Variants in ATR observed in about 807,000 individuals in gnomAD.
ATR encodes the protein ATR checkpoint kinase.
A neutral mutation model predicts 305.3 loss-of-function variants in ATR; 142 were observed. The ratio of observed to expected loss-of-function variants is 0.47; its 90% CI spans 0.41 to 0.53. The LOEUF is 0.53. Among genes scored for constraint, ATR ranks in the 20% least tolerant of loss-of-function variants. The probability of loss-of-function intolerance (pLI) is 0.00; values close to 1 mark genes in which losing one functional copy is unlikely to be tolerated. For synonymous variants in ATR, 1,050 were observed against 1,068.1 expected, an observed-to-expected ratio of 0.98 and a Z score of 0.33; for missense variants, 2,135 against 3,133.1, an observed-to-expected ratio of 0.68 and a Z score of 7.60.
chr3:142,531,293 TGTACACAAC>T (rs2108415428), intron 21 of ATR, among the ~76,000 whole-genome samples: 1 of 152,240 alleles, frequency 6.6e-6, no homozygotes, highest in South Asian at 2.1e-4. Flanking sequence ...TTAGGGTACT[TGTACACAAC>T]GTGCAGGTTT....
At chr3:142,568,445 T>G (rs2035146088) in intron 1 of ATR, among the ~76,000 whole-genome samples, 1 of 152,236 alleles carries the variant, frequency 6.6e-6, no homozygotes, top group Admixed American at 6.5e-5. Context: ...ATGTGATTAG[T>G]ACAAATTGAA....
chr3:142,550,017 C>T, intron 14 of ATR, 115 bp downstream of exon 14: 3 of 1,370,842 alleles, frequency 2.2e-6, no homozygotes, highest in Non-Finnish European at 3.0e-6. Context: ...CTCAAATCCA[C>T]TTAAACTTAA....
chr3:142,517,577 A>G (rs989656565), intron 24 of ATR, among the ~76,000 whole-genome samples: 1 of 152,172 alleles, frequency 6.6e-6, no homozygotes, highest in African/African-American at 2.4e-5. Flanking sequence ...TGTGGCTCCA[A>G]TTTCAATAAG....
rs975308626 is a variant in ATR, at chr3:142,538,756, T to A, written c.3582-131A>T. ...TTAAAAGGCAGCTTTAAACATGGAA[T>A]AAAGATCAGTGCTATATATTCAAAT... On this transcript the variant is annotated intron_variant, in intron 18 of 46. Coordinates refer to ENST00000350721, the MANE Select transcript of ATR (RefSeq NM_001184.4). 3 of 1,175,560 alleles carry A rather than the reference T, an allele frequency of 2.6e-6. No individual in the cohort carries two copies. In the African/African-American group the frequency reaches 4.6e-5, roughly 18 times the overall value. The allele number at this position is 1,175,560 out of a possible 1,614,324, so 72.8% of individuals were successfully genotyped here. A position where few individuals can be genotyped will look rare whatever the true frequency, so the allele number is the denominator to read the frequency against.
Position 142,547,872 on chromosome 3 carries a change from T to C in ATR, c.3210A>G (p.Gln1070=). The change falls in exon 16 of 47, where the codon CAA becomes CAG. Residue 1070 remains glutamine, a synonymous_variant. Transcript: ENST00000350721. ...TEIELGSLLR[Q]DFQGLHNELL... ...ATTCATTATGCAATCCTTGGAAATC[T>C]TGTCTCAACAGGCTCCCCAGTTCAA... The C allele has an allele frequency of 1.9e-6, 3 of 1,613,982 alleles. No individual in the cohort carries two copies. The highest frequency in any genetic ancestry group is 1.3e-5 in the African/African-American group (1 of 75,032).
chr3:142,559,137 A>T, intron 7 of ATR, 114 bp downstream of exon 7: 1 of 1,169,128 alleles, frequency 8.6e-7, no homozygotes, highest in Non-Finnish European at 1.2e-6. Flanking sequence ...TGAAATCAGG[A>T]AAAAACTTCT....
intron 24 of ATR, among the ~76,000 whole-genome samples, chr3:142,518,191 C>A (rs2032989501): frequency 6.6e-6 from 1 of 152,088 alleles, no homozygotes; most frequent in Non-Finnish European, 1.5e-5. Context: ...AATGAAAATC[C>A]AAATTTTAAC....
chr3:142,526,105 A>G (rs1410092049), intron 21 of ATR, among the ~76,000 whole-genome samples: 1 of 152,106 alleles, frequency 6.6e-6, no homozygotes, highest in East Asian at 1.9e-4. Context: ...ATACTCAACT[A>G]TATTGTTTTC....
At chr3:142,506,795 G>A (rs191782546) in intron 28 of ATR, among the ~76,000 whole-genome samples, 19 of 152,302 alleles carry the variant, frequency 1.2e-4, no homozygotes, top group African/African-American at 4.3e-4. Flanking sequence ...ATTGTCAGCT[G>A]GAAGCAGGGA....
chr3:142,541,284 C>T (rs1463554829), intron 17 of ATR, among the ~76,000 whole-genome samples: 1 of 151,986 alleles, frequency 6.6e-6, no homozygotes, highest in African/African-American at 2.4e-5. Flanking sequence ...GTTATTTTAG[C>T]CCAGTATTCA....
At chr3:142,531,380 T>C (rs2033634603) in intron 21 of ATR, among the ~76,000 whole-genome samples, 1 of 152,120 alleles carries the variant, frequency 6.6e-6, no homozygotes, top group Non-Finnish European at 1.5e-5. Flanking sequence ...ACATTAGGTA[T>C]ATCTCCTAAT....
At position 142,477,825 on chromosome 3, in the gene ATR, G is replaced by C. The variant is rs1577532154; in HGVS notation, c.6221+7315C>G. Among the ~76,000 whole-genome samples the C allele has an allele frequency of 2.6e-5, 4 of 152,184 alleles. No individual in the cohort carries two copies. In the South Asian group the frequency reaches 8.3e-4, roughly 31 times the overall value. On this transcript the variant is annotated intron_variant, in intron 36 of 46. Coordinates refer to ENST00000350721, the MANE Select transcript of ATR (RefSeq NM_001184.4). ...TTCTTCCTGGTTTAGTCTTGGGAGG[G>C]TGTATGTGTCCAGGAATTTATCCAT...
At chr3:142,455,563 A>G (rs2070887651) in intron 45 of ATR, among the ~76,000 whole-genome samples, 1 of 152,248 alleles carries the variant, frequency 6.6e-6, no homozygotes, top group African/African-American at 2.4e-5. Flanking sequence ...AAGGTTAGGC[A>G]TATAGATCAA....
chr3:142,542,720 G>C lies in ATR; in HGVS notation c.3395C>G (p.Ala1132Gly). The change falls in exon 17 of 47, where the codon GCT (alanine) becomes GGT (glycine). Residue 1132 changes from alanine (A) to glycine (G), a missense_variant. Around this residue, in one of 9 missense-constraint regions of ATR, gnomAD observed 530 missense variants for 766.8 expected, o/e 0.69. Coordinates refer to ENST00000350721, the MANE Select transcript of ATR (RefSeq NM_001184.4). ...GCTCAGTAACTGCATGTTAAAAAAA[G>C]CCAAAATGCCCAACAATTTGGGTTG... ...YLQPKLLGIL[A>G]FFNMQLLSSS... 6.2e-7 allele frequency: 1 copy of C among 1,613,104 alleles called. No individual in the cohort carries two copies. Among genetic ancestry groups the C allele is most frequent in the Non-Finnish European group, 8.5e-7 (1 of 1,179,534 alleles).
chr3:142,554,995 G>A (rs190962095), intron 10 of ATR, among the ~76,000 whole-genome samples: 26 of 151,782 alleles, frequency 1.7e-4, no homozygotes, highest in African/African-American at 6.3e-4. Context: ...CAGCACTTTG[G>A]GGGGACAGAG....
Position 142,507,991 on chromosome 3 carries a change from G to A in ATR, c.4971C>T (p.His1657=), listed in dbSNP as rs763704742. The change falls in exon 28 of 47, where the codon CAC becomes CAT. Residue 1657 remains histidine, a synonymous_variant. Coordinates refer to ENST00000350721, the MANE Select transcript of ATR (RefSeq NM_001184.4). ...TCTTTTCTGTAATAAATGATTCAAAGTGCATTACAGCTCGTGTGTATGCTT... is the reference window on the plus strand; with the variant it reads ...TCTTTTCTGTAATAAATGATTCAAAATGCATTACAGCTCGTGTGTATGCTT... ...RSKAYTRAVM[H]FESFITEKKQ... The A allele has an allele frequency of 6.2e-7, 1 of 1,613,264 alleles. No individual in the cohort carries two copies. Among genetic ancestry groups the A allele is most frequent in the African/African-American group, 1.3e-5 (1 of 74,842 alleles).
intron 24 of ATR, among the ~76,000 whole-genome samples, chr3:142,517,649 C>T (rs2032924909): frequency 6.6e-6 from 1 of 152,188 alleles, no homozygotes; most frequent in African/African-American, 2.4e-5. Context: ...AGAGGTTATT[C>T]TAACTGCTCA....
rs1560013924 is a variant in ATR, at chr3:142,578,717, A to G, written c.-13T>C. On this transcript the variant is annotated 5_prime_UTR_variant, in exon 1 of 47. Transcript: ENST00000350721. Reference sequence around the variant, plus strand: ...CATGTTCCCCCATGCTGAGGCTGCGAGGCACTAGTCAACCACGCCAACGCG... The same window carrying G: ...CATGTTCCCCCATGCTGAGGCTGCGGGGCACTAGTCAACCACGCCAACGCG... 6.2e-7 allele frequency: 1 copy of G among 1,612,750 alleles called. No homozygotes were observed. Among genetic ancestry groups the G allele is most frequent in the East Asian group, 2.2e-5 (1 of 44,854 alleles).
At position 142,561,269 on chromosome 3, in the gene ATR, A is replaced by C; in HGVS notation, c.1323T>G (p.Ser441=). Residue 441 remains serine (S), a synonymous_variant, in exon 5 of 47, where the codon TCT becomes TCG. Transcript: ENST00000350721. Reference sequence around the variant, plus strand: ...CCTCAGTCTGTTTTGGTGCTCTTTTAGAAGGGTTTAGAGACGAGCTGAGAC... The same window carrying C: ...CCTCAGTCTGTTTTGGTGCTCTTTTCGAAGGGTTTAGAGACGAGCTGAGAC... ...RRRLSSSLNP[S]KRAPKQTEEI... is the part of the protein sequence containing the mutation. The C allele has an allele frequency of 6.2e-7, 1 of 1,614,024 alleles. No individual in the cohort carries two copies. The highest frequency in any genetic ancestry group is 8.5e-7 in the Non-Finnish European group (1 of 1,179,924).
Sources: gnomAD v4.1 joint callset for allele counts (sites outside exome capture counted in the v4.1 genomes callset) on GRCh38, gnomAD v4.1.1 for gene constraint, gnomAD v4.1.1 regional missense constraint, MANE v1.5 for transcripts, NCBI Gene and HGNC (gene_info 2026-07-23, HGNC 2026-07-21) for gene names.